The following CCDC30 variants were observed in gnomAD, a reference collection of about 807,000 sequenced individuals.
CCDC30 encodes the protein coiled-coil domain containing 30.
Under a neutral mutation model 100.2 loss-of-function variants are expected in CCDC30, and 70 were observed. The observed-to-expected ratio is 0.70, with a 90% CI of 0.58 to 0.85. CCDC30 has a LOEUF of 0.85. Ranked by LOEUF, CCDC30 falls within the 40% of genes least tolerant of loss-of-function variation. CCDC30 has a pLI of 0.00. For missense variants in CCDC30, 652 were observed against 771.2 expected, an observed-to-expected ratio of 0.85 and a Z score of 1.83; for synonymous variants, 233 against 269.5, an observed-to-expected ratio of 0.86 and a Z score of 1.33.
exon 8 of CCDC30, chr1:42,577,142 T>C (rs1557868244): frequency 1.2e-6 from 2 of 1,613,958 alleles, no homozygotes; most frequent in African/African-American, 2.7e-5. Flanking sequence ...TGGAAGTACT[T>C]AAACACACTC....
intron 6 of CCDC30, among the ~76,000 whole-genome samples, chr1:42,516,057 C>G (rs937850389): frequency 6.6e-6 from 1 of 152,092 alleles, no homozygotes; most frequent in Non-Finnish European, 1.5e-5. Context: ...GGGTATATAA[C>G]CAGAAGTGAA....
intron 6 of CCDC30, among the ~76,000 whole-genome samples, chr1:42,506,450 C>T (rs560056551): frequency 1.3e-5 from 2 of 152,272 alleles, no homozygotes; most frequent in East Asian, 3.9e-4. Flanking sequence ...GTTAAAAACA[C>T]GACTGACAAA....
At chr1:42,494,114 A>C (rs1475795329) in intron 4 of CCDC30, among the ~76,000 whole-genome samples, 4 of 152,226 alleles carry the variant, frequency 2.6e-5, no homozygotes, top group Non-Finnish European at 5.9e-5. Flanking sequence ...CTATACTACA[A>C]GGCTACAGTA....
In CCDC30 at chr1:42,581,534, C is replaced by G. The variant is rs1292409001; in HGVS notation, c.1001+20C>G. On this transcript the variant is annotated intron_variant, in intron 9 of 16. Coordinates refer to ENST00000668663, the Ensembl canonical transcript of CCDC30. ...GAAGAGGTAAGAGGAGCAGAGATCT[C>G]AGTTTCCTGTGGGTTTAGCCATGAC... 6.2e-7 allele frequency: 1 copy of G among 1,600,170 alleles called. No homozygotes were observed. The highest frequency in any genetic ancestry group is 8.5e-7 in the Non-Finnish European group (1 of 1,175,178).
At chr1:42,545,030 T>C (rs1645094242) in intron 6 of CCDC30, among the ~76,000 whole-genome samples, 2 of 151,676 alleles carry the variant, frequency 1.3e-5, no homozygotes, top group Admixed American at 6.6e-5. Flanking sequence ...TGAAGTACAT[T>C]CAAAACTTGA....
chr1:42,600,623 GCT>G (rs1449126135), intron 10 of CCDC30, among the ~76,000 whole-genome samples: 1 of 152,016 alleles, frequency 6.6e-6, no homozygotes, highest in Non-Finnish European at 1.5e-5. Context: ...ATATGGTTTG[GCT>G]CTGTGTCCCC....
chr1:42,519,537 GTTGTTTGT>G (rs373936310), intron 6 of CCDC30, among the ~76,000 whole-genome samples: 3 of 151,722 alleles, frequency 2.0e-5, no homozygotes, highest in Non-Finnish European at 2.9e-5. Flanking sequence ...TTTCTTTTTT[GTTGTTTGT>G]TTGTTTGTTT....
intron 6 of CCDC30, chr1:42,539,227 C>T: frequency 1.9e-6 from 3 of 1,610,024 alleles, no homozygotes; most frequent in Non-Finnish European, 2.5e-6. Context: ...AGTTCACAAT[C>T]TTCCAGGGGA....
chr1:42,490,478 T>C (rs1173752232), intron 4 of CCDC30, among the ~76,000 whole-genome samples: 1 of 150,998 alleles, frequency 6.6e-6, no homozygotes, highest in African/African-American at 2.4e-5. Context: ...TAATATGCTT[T>C]AAAATAATAT....
intron 1 of CCDC30, among the ~76,000 whole-genome samples, chr1:42,479,682 G>A (rs1243500073): frequency 1.3e-5 from 2 of 151,998 alleles, no homozygotes; most frequent in Non-Finnish European, 2.9e-5. Flanking sequence ...ACACTGGAGA[G>A]AGATGAGATT....
intron 4 of CCDC30, among the ~76,000 whole-genome samples, chr1:42,493,047 C>T (rs555542650): frequency 9.7e-4 from 147 of 152,206 alleles, no homozygotes; most frequent in Middle Eastern, 3.4e-3. Flanking sequence ...ACAATATCAT[C>T]ATTTCTGTGA....
intron 11 of CCDC30, among the ~76,000 whole-genome samples, chr1:42,629,765 G>C (rs190152090): frequency 2.4e-4 from 37 of 151,546 alleles, no homozygotes; most frequent in African/African-American, 8.2e-4. Context: ...CCAAGTGTGT[G>C]CCACCACACC....
chr1:42,459,337 A>T (rs1340219817), upstream of CCDC30: 1 of 393,520 alleles, frequency 2.5e-6, no homozygotes, highest in Admixed American at 4.1e-5. Flanking sequence ...TAATTTTTGT[A>T]TTTTTTTGTA....
chr1:42,535,985 A>G (rs372279034), intron 6 of CCDC30, among the ~76,000 whole-genome samples: 3 of 151,464 alleles, frequency 2.0e-5, no homozygotes, highest in Admixed American at 6.6e-5. Flanking sequence ...TATGTAACAT[A>G]TCTGAGCCTC....
intron 6 of CCDC30, among the ~76,000 whole-genome samples, chr1:42,507,416 G>A (rs1013128280): frequency 1.3e-5 from 2 of 152,120 alleles, no homozygotes; most frequent in Admixed American, 6.6e-5. Context: ...TTTGAATTTA[G>A]TTAAGGTTTA....
At chr1:42,646,422 T>A in intron 15 of CCDC30, 105 bp downstream of exon 19, 2 of 1,265,806 alleles carry the variant, frequency 1.6e-6, no homozygotes, top group Non-Finnish European at 1.0e-6. Context: ...CTGGAAAAAG[T>A]AAAACGGAGG....
chr1:42,631,633 C>T (rs1647039374), intron 11 of CCDC30, among the ~76,000 whole-genome samples: 1 of 152,196 alleles, frequency 6.6e-6, no homozygotes, highest in African/African-American at 2.4e-5. Flanking sequence ...AATAAAAAAA[C>T]CTGAGAAGTC....
chr1:42,562,903 G>A (rs1019068197), intron 6 of CCDC30, among the ~76,000 whole-genome samples: 2 of 152,170 alleles, frequency 1.3e-5, no homozygotes, highest in African/African-American at 4.8e-5. Flanking sequence ...ACCACAATGA[G>A]ATACCATCTC....
intron 11 of CCDC30, among the ~76,000 whole-genome samples, chr1:42,613,315 C>T (rs1646660534): frequency 1.3e-5 from 2 of 152,126 alleles, no homozygotes; most frequent in Non-Finnish European, 2.9e-5. Flanking sequence ...AGTGCAGTGG[C>T]ACGATCTCGG....
Sources: gnomAD v4.1 joint callset for allele counts (sites outside exome capture counted in the v4.1 genomes callset) on GRCh38, gnomAD v4.1.1 for gene constraint, MANE v1.5 for transcripts, NCBI Gene and HGNC (gene_info 2026-07-23, HGNC 2026-07-21) for gene names.